Variants in CDK14 observed in about 807,000 individuals in gnomAD.
CDK14 encodes cyclin-dependent kinase 14.
CDK14 carries 34 observed loss-of-function variants against 60.7 expected under a neutral mutation model. The observed-to-expected ratio is 0.56, with a 90% CI of 0.43 to 0.75. The LOEUF is 0.75. Ranked by LOEUF, CDK14 falls within the 30% of genes least tolerant of loss-of-function variation. CDK14 has a pLI of 0.00. For synonymous variants in CDK14, 197 were observed against 203.7 expected (o/e 0.97, Z 0.28); for missense variants, 482 against 564.1 (o/e 0.85, Z 1.47).
intron 12 of CDK14, among the ~76,000 whole-genome samples, chr7:91,098,746 G>A (rs1526312): frequency 0.057 from 8,745 of 152,106 alleles, 346 homozygotes; most frequent in Middle Eastern, 0.13. Context: ...CATGGCCCAA[G>A]ATTCACCAAA....
intron 7 of CDK14, among the ~76,000 whole-genome samples, chr7:90,901,966 A>G (rs983368007): frequency 1.1e-4 from 17 of 152,194 alleles, no homozygotes; most frequent in South Asian, 6.2e-4. Context: ...TTCTTCCCCA[A>G]TAATGAGCTG....
chr7:90,650,194 T>A (rs1800600636), intron 2 of CDK14, among the ~76,000 whole-genome samples: 1 of 152,252 alleles, frequency 6.6e-6, no homozygotes, highest in South Asian at 2.1e-4. Flanking sequence ...TTGATTTGCA[T>A]TTCTCTGATG....
rs539761084 is a variant in CDK14, at chr7:90,810,786, A to G, written c.544+20134A>G. ...AGCAAAGTCTCAGGATACAAAATCA[A>G]TGTACAAAAATCACAAGCATTCTTA... On this transcript the variant is annotated intron_variant, in intron 5 of 14. Coordinates refer to ENST00000380050, the MANE Select transcript of CDK14 (RefSeq NM_001287135.2). Among the ~76,000 whole-genome samples the G allele has an allele frequency of 5.3e-3, 804 of 152,130 alleles. 2 individuals are homozygous for G. Among genetic ancestry groups the G allele is most frequent in the African/African-American group, 0.011 (454 of 41,482 alleles).
chr7:91,067,395 G>C (rs1311905852), intron 11 of CDK14, among the ~76,000 whole-genome samples: 2 of 152,206 alleles, frequency 1.3e-5, no homozygotes, highest in Non-Finnish European at 2.9e-5. Context: ...ATGAGGCTCT[G>C]TGTGTTCCTG....
chr7:90,867,735 G>T (rs1791234856), intron 6 of CDK14, among the ~76,000 whole-genome samples: 1 of 152,068 alleles, frequency 6.6e-6, no homozygotes, highest in Non-Finnish European at 1.5e-5. Context: ...GAGAGCTACC[G>T]CACACCATAG....
At chr7:90,605,224 T>C (rs143777693) in intron 2 of CDK14, among the ~76,000 whole-genome samples, 27 of 152,340 alleles carry the variant, frequency 1.8e-4, no homozygotes, top group Non-Finnish European at 2.5e-4. Flanking sequence ...ATGGCAGGTC[T>C]GCTCAGAGAG....
intron 12 of CDK14, among the ~76,000 whole-genome samples, chr7:91,111,750 A>G (rs1799473744): frequency 6.6e-6 from 1 of 152,188 alleles, no homozygotes; most frequent in African/African-American, 2.4e-5. Context: ...CATTATTAGG[A>G]ATACTTTTAT....
At chr7:90,718,210 C>G in intron 2 of CDK14, among the ~76,000 whole-genome samples, 1 of 151,802 alleles carries the variant, frequency 6.6e-6, no homozygotes, top group East Asian at 1.9e-4. Flanking sequence ...GCCCAGGATG[C>G]CACCACTGAG....
intron 6 of CDK14, among the ~76,000 whole-genome samples, chr7:90,877,459 G>C (rs1317402962): frequency 6.6e-6 from 1 of 151,846 alleles, no homozygotes; most frequent in African/African-American, 2.4e-5. Context: ...TGCTGAGTAA[G>C]AATTTTCCAT....
intron 8 of CDK14, among the ~76,000 whole-genome samples, chr7:90,952,229 C>T (rs980515880): frequency 2.6e-5 from 4 of 152,126 alleles, no homozygotes; most frequent in South Asian, 2.1e-4. Flanking sequence ...GGCTGGTCTG[C>T]GTAGGGAAAA....
chr7:90,888,849 G>A (rs1266358616), intron 6 of CDK14, among the ~76,000 whole-genome samples: 1 of 152,194 alleles, frequency 6.6e-6, no homozygotes, highest in Middle Eastern at 3.4e-3. Context: ...CTTCAAAATA[G>A]CATGAACGTC....
intron 6 of CDK14, among the ~76,000 whole-genome samples, chr7:90,889,176 T>G (rs6968329): frequency 0.99 from 150,226 of 152,298 alleles, 74,120 homozygotes; most frequent in East Asian, 1. Context: ...ATATGTTTGG[T>G]TTTAAGAATT....
intron 14 of CDK14, among the ~76,000 whole-genome samples, chr7:91,149,778 T>A (rs1188588095): frequency 6.6e-6 from 1 of 152,224 alleles, no homozygotes; most frequent in Non-Finnish European, 1.5e-5. Context: ...CTAGGCCATA[T>A]GGGTGTGTTC....
At chr7:90,812,623 T>TA (rs1174129836) in intron 5 of CDK14, among the ~76,000 whole-genome samples, 1 of 151,880 alleles carries the variant, frequency 6.6e-6, no homozygotes, top group Non-Finnish European at 1.5e-5. Context: ...ATAATAATAA[T>TA]AAAAAAAGAA....
intron 2 of CDK14, among the ~76,000 whole-genome samples, chr7:90,633,207 T>G (rs988026064): frequency 1.3e-5 from 2 of 152,220 alleles, no homozygotes; most frequent in African/African-American, 4.8e-5. Flanking sequence ...ATGGAGACTT[T>G]TGCATTTTGA....
intron 2 of CDK14, among the ~76,000 whole-genome samples, chr7:90,638,113 G>A (rs969152944): frequency 4.6e-5 from 7 of 151,900 alleles, no homozygotes; most frequent in East Asian, 1.9e-4. Flanking sequence ...TTTAATTGGA[G>A]CATTTAGTCC....
At chr7:90,866,256 AC>A (rs1437317571) in intron 6 of CDK14, among the ~76,000 whole-genome samples, 3 of 151,674 alleles carry the variant, frequency 2.0e-5, no homozygotes, top group East Asian at 1.9e-4. Flanking sequence ...ACACACACAC[AC>A]ACACACACAC....
intron 4 of CDK14, among the ~76,000 whole-genome samples, chr7:90,764,033 G>A (rs1196943594): frequency 6.6e-6 from 1 of 151,884 alleles, no homozygotes; most frequent in East Asian, 1.9e-4. Context: ...GCCAAAAACC[G>A]AAATTTGATT....
At chr7:91,141,027 A>C (rs145968861) in intron 14 of CDK14, among the ~76,000 whole-genome samples, 1 of 152,306 alleles carries the variant, frequency 6.6e-6, no homozygotes, top group East Asian at 1.9e-4. Context: ...GCATGAGGAC[A>C]TGAAGAAAAG....
Sources: gnomAD v4.1 joint callset for allele counts (sites outside exome capture counted in the v4.1 genomes callset) on GRCh38, gnomAD v4.1.1 for gene constraint, MANE v1.5 for transcripts, NCBI Gene and HGNC (gene_info 2026-07-23, HGNC 2026-07-21) for gene names.